SLC4A10: variants seen among roughly 807,000 people sequenced by gnomAD.
SLC4A10 encodes the protein sodium-driven chloride bicarbonate exchanger.
In SLC4A10, 42 loss-of-function variants were observed where a neutral mutation model predicts 137.7. The ratio of observed to expected loss-of-function variants is 0.30; its 90% confidence interval spans 0.24 to 0.39. The LOEUF is 0.39. SLC4A10 is among the 10% of genes least tolerant of loss of function. SLC4A10 has a pLI of 1.00. For missense variants in SLC4A10, 925 were observed against 1,355.0 expected (o/e 0.68, Z 4.98); for synonymous variants, 474 against 464.1 (o/e 1.02, Z -0.27).
intron 8 of SLC4A10, 67 bp from the exon 9 acceptor site, chr2:161,879,064 T>G (rs2061597208): frequency 6.9e-7 from 1 of 1,453,612 alleles, no homozygotes; most frequent in Non-Finnish European, 9.5e-7. Context: ...TGAAGCACTG[T>G]GCAAGAATAT....
At position 161,784,294 on chromosome 2, in the gene SLC4A10, A is replaced by G. The variant is rs374486994; in HGVS notation, c.130+13240A>G. 1.1e-4 allele frequency among the ~76,000 whole-genome samples: 17 copies of G among 151,992 alleles called. No individual in the cohort carries two copies. The East Asian group carries it at 1.4e-3, about 12-fold the overall frequency. ...GGCAGCAACACAATAATAGTAGGAT[A>G]TTTCAATACCTCATTTTGAATGATG... On this transcript the variant is annotated intron_variant, in intron 2 of 26. Coordinates refer to ENST00000446997, the MANE Select transcript of SLC4A10 (RefSeq NM_001178015.2).
intron 1 of SLC4A10, among the ~76,000 whole-genome samples, chr2:161,759,315 G>A (rs928532065): frequency 2.0e-5 from 3 of 152,024 alleles, no homozygotes; most frequent in East Asian, 1.9e-4. Context: ...ACATAGTTAC[G>A]TGTGTGTGTT....
At chr2:161,918,901 G>A (rs1687623783) in intron 15 of SLC4A10, among the ~76,000 whole-genome samples, 1 of 152,186 alleles carries the variant, frequency 6.6e-6, no homozygotes. Flanking sequence ...GGTGGGGTGG[G>A]AGCCCTGCGC....
intron 1 of SLC4A10, among the ~76,000 whole-genome samples, chr2:161,698,758 G>A (rs368064299): frequency 1.3e-5 from 2 of 152,052 alleles, no homozygotes; most frequent in African/African-American, 4.8e-5. Context: ...GGATATTGGT[G>A]TAAAATTCTC....
chr2:161,846,793 A>G (rs2059524907), intron 4 of SLC4A10, among the ~76,000 whole-genome samples: 2 of 152,306 alleles, frequency 1.3e-5, no homozygotes, highest in Non-Finnish European at 2.9e-5. Context: ...GTGATGAAGA[A>G]TAGATTAGTG....
intron 1 of SLC4A10, among the ~76,000 whole-genome samples, chr2:161,634,043 C>T (rs569007480): frequency 2.0e-5 from 3 of 151,758 alleles, no homozygotes; most frequent in East Asian, 3.9e-4. Flanking sequence ...CTACCATATT[C>T]GAATATCACC....
chr2:161,646,403 C>T (rs77533166), intron 1 of SLC4A10, among the ~76,000 whole-genome samples: 184 of 152,002 alleles, frequency 1.2e-3, no homozygotes, highest in African/African-American at 4.1e-3. Context: ...TTGCTAAAAA[C>T]AAATATGCTA....
At chr2:161,721,276 T>A (rs1411771169) in intron 1 of SLC4A10, among the ~76,000 whole-genome samples, 1 of 152,164 alleles carries the variant, frequency 6.6e-6, no homozygotes, top group Non-Finnish European at 1.5e-5. Flanking sequence ...CTTCATAGAG[T>A]CATTGGTCTG....
intron 1 of SLC4A10, among the ~76,000 whole-genome samples, chr2:161,669,801 A>C (rs967887088): frequency 3.3e-5 from 5 of 152,084 alleles, no homozygotes; most frequent in Non-Finnish European, 7.4e-5. Flanking sequence ...ATTATTATTT[A>C]GAATACCAAT....
intron 1 of SLC4A10, among the ~76,000 whole-genome samples, chr2:161,754,292 CAG>C (rs1209067325): frequency 6.6e-6 from 1 of 152,044 alleles, no homozygotes; most frequent in African/African-American, 2.4e-5. Context: ...AGCCCATAAA[CAG>C]ATTTAGATTC....
rs540749037 is a variant in SLC4A10 at position 161,789,677 on chromosome 2, T to C, written c.131-14772T>C. 5.3e-5 allele frequency among the ~76,000 whole-genome samples: 8 copies of C among 152,338 alleles called. No individual in the cohort carries two copies. The East Asian group carries it at 1.4e-3, about 26-fold the overall frequency. On this transcript the variant is annotated intron_variant, in intron 2 of 26. Coordinates refer to ENST00000446997, the MANE Select transcript of SLC4A10 (RefSeq NM_001178015.2). ...GATCCATCATTTGACTGAAACATCA[T>C]TATGTATGACTGTACATAACAAATT...
rs1025237582 is a variant in SLC4A10, at chr2:161,746,303, A to G, written c.49-24670A>G. Reference sequence around the variant, plus strand: ...TGAGCTGGTACCCAGGCTGCAAGACAAAAGTCCTCTTTACTTTTCCCTTTC... The same window carrying G: ...TGAGCTGGTACCCAGGCTGCAAGACGAAAGTCCTCTTTACTTTTCCCTTTC... On this transcript the variant is annotated intron_variant, in intron 1 of 26. Transcript: ENST00000446997. Among the ~76,000 whole-genome samples, 6 of 150,976 alleles carry G rather than the reference A, an allele frequency of 4.0e-5. No individual in the cohort carries two copies. In the East Asian group the frequency reaches 7.9e-4, roughly 20 times the overall value.
Position 161,748,769 on chromosome 2 carries a change from T to C in SLC4A10, c.49-22204T>C, listed in dbSNP as rs2048650605. On this transcript the variant is annotated intron_variant, in intron 1 of 26. Coordinates refer to ENST00000446997, the MANE Select transcript of SLC4A10 (RefSeq NM_001178015.2). ...GATTTCCTTGGCTATTTGTGGTCTC[T>C]TGTGGTTCCATATGAATTTTAGAAT... is the stretch of plus-strand genomic sequence containing the variant. Among the ~76,000 whole-genome samples the C allele has an allele frequency of 2.0e-5, 3 of 152,110 alleles. No homozygotes were observed. In the South Asian group the frequency reaches 6.2e-4, roughly 32 times the overall value.
intron 23 of SLC4A10, among the ~76,000 whole-genome samples, chr2:161,967,106 T>A (rs559235493): frequency 6.6e-6 from 1 of 152,082 alleles, no homozygotes; most frequent in Non-Finnish European, 1.5e-5. Flanking sequence ...AAAAAAAAAA[T>A]TCCCTGGCCA....
chr2:161,953,454 A>G lies in SLC4A10; in HGVS notation c.2541+2606A>G, dbSNP rs368125155. Among the ~76,000 whole-genome samples the G allele has an allele frequency of 6.6e-5, 10 of 152,070 alleles. No homozygotes were observed. The East Asian group carries it at 1.2e-3, about 18-fold the overall frequency. On this transcript the variant is annotated intron_variant, in intron 19 of 26. Transcript: ENST00000446997. The stretch of plus-strand genomic sequence containing the variant: ...GAAACCCCATCTCTACTAAAAACAC[A>G]AAGATTAGCTGGGCGTAGTGGCGGG...
chr2:161,625,066 C>CGTGTGTGTGTGTGT (rs5835872), intron 1 of SLC4A10, among the ~76,000 whole-genome samples: 8 of 144,206 alleles, frequency 5.5e-5, no homozygotes, highest in African/African-American at 1.6e-4. Flanking sequence ...ACAGAAGGAT[C>CGTGTGTGTGTGTGT]GTGTGTGTGT....
chr2:161,736,636 A>C (rs2047374242), intron 1 of SLC4A10, among the ~76,000 whole-genome samples: 1 of 152,178 alleles, frequency 6.6e-6, no homozygotes, highest in Non-Finnish European at 1.5e-5. Context: ...CACGATCATG[A>C]GAAAAGAATG....
At chr2:161,712,632 A>G (rs1206622674) in intron 1 of SLC4A10, among the ~76,000 whole-genome samples, 1 of 151,890 alleles carries the variant, frequency 6.6e-6, no homozygotes, top group Non-Finnish European at 1.5e-5. Flanking sequence ...CCCATTTGAT[A>G]GAGTATAATA....
At chr2:161,729,989 G>C (rs2046658853) in intron 1 of SLC4A10, among the ~76,000 whole-genome samples, 1 of 152,102 alleles carries the variant, frequency 6.6e-6, no homozygotes, top group Admixed American at 6.6e-5. Context: ...AGGCTTCTTG[G>C]GTTACTGAAT....
Sources: gnomAD v4.1 joint callset for allele counts (sites outside exome capture counted in the v4.1 genomes callset) on GRCh38, gnomAD v4.1.1 for gene constraint, MANE v1.5 for transcripts, NCBI Gene and HGNC (gene_info 2026-07-23, HGNC 2026-07-21) for gene names.